MMGT1: variants seen among roughly 807,000 people sequenced by gnomAD.
The protein encoded by MMGT1 is ER membrane protein complex subunit 5.
MMGT1 carries 2 observed loss-of-function variants against 11.7 expected under a neutral mutation model. The ratio of observed to expected loss-of-function variants is 0.17; its 90% CI spans 0.07 to 0.54. The LOEUF is 0.54. Among genes scored for constraint, MMGT1 ranks in the 20% least tolerant of loss-of-function variants. MMGT1 has a pLI of 0.94. For missense variants in MMGT1, 74 were observed against 109.0 expected (o/e 0.68, Z 1.43); for synonymous variants, 49 against 44.4 (o/e 1.10, Z -0.41).
rs2089159699 is a variant in MMGT1, at chrX:135,962,243, A to T, written c.*2781T>A. The T allele has an allele frequency of 8.9e-6, 1 of 111,895 alleles. No homozygotes were observed. Among genetic ancestry groups the T allele is most frequent in the South Asian group, 3.7e-4 (1 of 2,669 alleles). 9.2% of individuals were successfully genotyped at this position (111,895 alleles called of 1,213,427 possible). ...ACATACAACCAGGAAGATGCTGTCA[A>T]GCCACTGAGAAGCCACAATGCTTAG... On this transcript the variant is annotated 3_prime_UTR_variant, in exon 4 of 4. Coordinates refer to ENST00000305963, the MANE Select transcript of MMGT1 (RefSeq NM_173470.3).
At chrX:135,971,418 T>C (rs2089218231) in intron 1 of MMGT1, among the ~76,000 whole-genome samples, 1 of 112,624 alleles carries the variant, frequency 8.9e-6, no homozygotes, top group Non-Finnish European at 1.9e-5. Context: ...GTCAACTATT[T>C]TATTTTCATC....
At chrX:135,971,786 G>A (rs782639202) in intron 1 of MMGT1, among the ~76,000 whole-genome samples, 1 of 111,837 alleles carries the variant, frequency 8.9e-6, no homozygotes, top group Non-Finnish European at 1.9e-5. Flanking sequence ...TTAACCTCAG[G>A]AGGCAGCAAG....
intron 2 of MMGT1, among the ~76,000 whole-genome samples, chrX:135,968,499 T>TTGTG (rs61012323): frequency 0.2 from 16,737 of 84,734 alleles, 1,424 homozygotes; most frequent in Non-Finnish European, 0.22. Flanking sequence ...CATTATGTCA[T>TTGTG]TGTGTGTGTG....
rs2089232731 is a variant in MMGT1 at position 135,973,528 on chromosome X, T to C, written c.79+69A>G. ...ATCTGACACTCGGTCCGATGGTCCC[T>C]TAGAAGTGCGCCCACACACCGCCCC... On this transcript the variant is annotated intron_variant, in intron 1 of 3. Coordinates refer to ENST00000305963, the MANE Select transcript of MMGT1 (RefSeq NM_173470.3). The C allele has an allele frequency of 3.3e-6, 3 of 922,096 alleles. No individual in the cohort carries two copies. The African/African-American group carries it at 5.9e-5, about 18-fold the overall frequency. 76.0% of individuals were successfully genotyped at this position (922,096 alleles called of 1,213,427 possible).
At chrX:135,968,499 T>TATTG (rs36089092) in intron 2 of MMGT1, among the ~76,000 whole-genome samples, 2 of 85,033 alleles carry the variant, frequency 2.4e-5, no homozygotes, top group South Asian at 1.3e-3. Flanking sequence ...CATTATGTCA[T>TATTG]TGTGTGTGTG....
Position 135,973,844 on chromosome X carries a change from A to G in MMGT1, c.-169T>C. On this transcript the variant is annotated 5_prime_UTR_variant, in exon 1 of 4. Coordinates refer to ENST00000305963, the MANE Select transcript of MMGT1 (RefSeq NM_173470.3). ...AGGGCTGTGAGAAAACGGAAACAGGAATGCCGGGAAGAAGCAGAAAGCTAC... is the reference window on the plus strand; with the variant it reads ...AGGGCTGTGAGAAAACGGAAACAGGGATGCCGGGAAGAAGCAGAAAGCTAC... 2.5e-5 allele frequency: 29 copies of G among 1,161,927 alleles called. No homozygotes were observed. The highest frequency in any genetic ancestry group is 3.2e-5 in the Non-Finnish European group (28 of 871,138).
intron 1 of MMGT1, 71 bp downstream of exon 1, chrX:135,973,526 C>T: frequency 1.1e-6 from 1 of 885,648 alleles, no homozygotes; most frequent in Non-Finnish European, 1.6e-6. Context: ...TCCGATGGTC[C>T]CTTAGAAGTG....
rs1278100694 is a variant in MMGT1, at chrX:135,963,979, A to C, written c.*1045T>G. ...TCAGCAACATACAGTGAAGATGGAAAACTTGAAGACTGCTATAAACCAGAA... is the reference window on the plus strand; with the variant it reads ...TCAGCAACATACAGTGAAGATGGAACACTTGAAGACTGCTATAAACCAGAA... On this transcript the variant is annotated 3_prime_UTR_variant, in exon 4 of 4. Transcript: ENST00000305963. 8.9e-6 allele frequency: 1 copy of C among 112,621 alleles called. No homozygotes were observed. Among genetic ancestry groups the C allele is most frequent in the Admixed American group, 9.4e-5 (1 of 10,616 alleles). 9.3% of individuals were successfully genotyped at this position (112,621 alleles called of 1,213,427 possible).
chrX:135,973,964 G>A lies in MMGT1; in HGVS notation c.-289C>T, dbSNP rs1390454985. 6.5e-6 allele frequency: 7 copies of A among 1,069,177 alleles called. No homozygotes were observed. Among genetic ancestry groups the A allele is most frequent in the Non-Finnish European group, 7.4e-6 (6 of 811,784 alleles). 88.1% of individuals were successfully genotyped at this position (1,069,177 alleles called of 1,213,427 possible). On this transcript the variant is annotated 5_prime_UTR_variant, in exon 1 of 4. Transcript: ENST00000305963. ...CGGAGTCATAAACGAAGAGGCGAAAGCGGGAGCTACGGGGAAGCGAAGAGG... is the reference window on the plus strand; with the variant it reads ...CGGAGTCATAAACGAAGAGGCGAAAACGGGAGCTACGGGGAAGCGAAGAGG...
rs1185404812 is a variant in MMGT1, at chrX:135,962,733, GGCCTGATTTTTA to G, written c.*2279_*2290del. The G allele has an allele frequency of 2.7e-5, 3 of 111,983 alleles. No homozygotes were observed. The highest frequency in any genetic ancestry group is 9.7e-5 in the African/African-American group (3 of 30,776). 9.2% of individuals were successfully genotyped at this position (111,983 alleles called of 1,213,427 possible). ...TGCCAAGTCATTTGGCCTGATTTTT[GGCCTGATTTTTA>G]GCCTGATTTTTAGCAGGACTCTTCC... On this transcript the variant is annotated 3_prime_UTR_variant, in exon 4 of 4. Coordinates refer to ENST00000305963, the MANE Select transcript of MMGT1 (RefSeq NM_173470.3).
At chrX:135,967,178 G>T (rs1255608958) in intron 3 of MMGT1, among the ~76,000 whole-genome samples, 1 of 111,651 alleles carries the variant, frequency 9.0e-6, no homozygotes, top group African/African-American at 3.3e-5. Context: ...GTATTTTTTT[G>T]ATTCTACTGT....
At chrX:135,970,635 C>T (rs1452167875) in intron 2 of MMGT1, among the ~76,000 whole-genome samples, 3 of 112,073 alleles carry the variant, frequency 2.7e-5, no homozygotes, top group African/African-American at 6.5e-5. Flanking sequence ...ACAGGCCAGG[C>T]GCGGTGGCTC....
In MMGT1 at chrX:135,973,740, C is replaced by T; in HGVS notation, c.-65G>A. 8.6e-7 allele frequency: 1 copy of T among 1,166,403 alleles called. No homozygotes were observed. The highest frequency in any genetic ancestry group is 1.1e-6 in the Non-Finnish European group (1 of 872,756). On this transcript the variant is annotated 5_prime_UTR_variant, in exon 1 of 4. Coordinates refer to ENST00000305963, the MANE Select transcript of MMGT1 (RefSeq NM_173470.3). ...ACGGCGGAGCTGTTTCTTCTTCCAC[C>T]GGCGGGTGTCCGCGCGCCGCAGAAA... is the stretch of plus-strand genomic sequence containing the variant.
At chrX:135,966,880 A>G (rs1556612008) in intron 3 of MMGT1, among the ~76,000 whole-genome samples, 1 of 111,786 alleles carries the variant, frequency 8.9e-6, no homozygotes, top group Non-Finnish European at 1.9e-5. Flanking sequence ...TAACAAATAT[A>G]CTTTTAATCC....
intron 2 of MMGT1, among the ~76,000 whole-genome samples, chrX:135,969,392 C>A (rs782612863): frequency 1.7e-4 from 19 of 111,461 alleles, no homozygotes; most frequent in South Asian, 1.5e-3. Flanking sequence ...GAGTGCAGAT[C>A]TCGAGTGCAT....
chrX:135,973,058 T>C (rs1164358758), intron 1 of MMGT1, among the ~76,000 whole-genome samples: 1 of 112,329 alleles, frequency 8.9e-6, no homozygotes, highest in Non-Finnish European at 1.9e-5. Flanking sequence ...CATAACGCAG[T>C]GTAGCACAAA....
At position 135,973,689 on chromosome X, in the gene MMGT1, C is replaced by G. The variant is rs782010383; in HGVS notation, c.-14G>C. ...CGACGGCGCCATGATGCCGAAGGAG[C>G]AGCAGCCCAGCAAAAGAAGCGAAGG... is the stretch of plus-strand genomic sequence containing the variant. On this transcript the variant is annotated 5_prime_UTR_variant, in exon 1 of 4. Coordinates refer to ENST00000305963, the MANE Select transcript of MMGT1 (RefSeq NM_173470.3). 7.8e-5 allele frequency: 91 copies of G among 1,165,592 alleles called. No homozygotes were observed. The highest frequency in any genetic ancestry group is 1.0e-4 in the Non-Finnish European group (88 of 872,701).
chrX:135,973,852 G>C lies in MMGT1; in HGVS notation c.-177C>G, dbSNP rs1430666415. ...GAGAAAACGGAAACAGGAATGCCGG[G>C]AAGAAGCAGAAAGCTACACGGAAAA... On this transcript the variant is annotated 5_prime_UTR_variant, in exon 1 of 4. Transcript: ENST00000305963. 8.6e-7 allele frequency: 1 copy of C among 1,156,751 alleles called. No individual in the cohort carries two copies. Among genetic ancestry groups the C allele is most frequent in the Non-Finnish European group, 1.1e-6 (1 of 869,642 alleles).
rs782546989 is a variant in MMGT1 at position 135,973,668 on chromosome X, G to A, written c.8C>T (p.Pro3Leu). 2 of 1,165,825 alleles carry A rather than the reference G, an allele frequency of 1.7e-6. No homozygotes were observed. Among genetic ancestry groups the A allele is most frequent in the African/African-American group, 1.8e-5 (1 of 55,774 alleles). The stretch of plus-strand genomic sequence containing the variant: ...GCCCACCAGCCCCTTCCACAGCGAC[G>A]GCGCCATGATGCCGAAGGAGCAGCA... Reference protein sequence around the residue: MAPSLWKGLVGIG... With the variant: MALSLWKGLVGIG... Residue 3 changes from proline to leucine, a missense_variant, in exon 1 of 4, where the codon CCG becomes CTG. Around this residue, in one of 2 missense-constraint regions of MMGT1, gnomAD observed 40 missense variants for 79.6 expected, o/e 0.50. Coordinates refer to ENST00000305963, the MANE Select transcript of MMGT1 (RefSeq NM_173470.3).
Sources: allele counts gnomAD v4.1 joint callset (sites outside exome capture counted in the v4.1 genomes callset), GRCh38; gene constraint gnomAD v4.1.1; regional missense constraint gnomAD v4.1.1; transcripts MANE v1.5; gene names NCBI Gene and HGNC (gene_info 2026-07-23, HGNC 2026-07-21).